Variants in PKP2 observed in about 807,000 individuals in gnomAD.
PKP2 encodes the protein plakophilin-2.
In PKP2, 73 loss-of-function variants were observed where a neutral mutation model predicts 83.4. The ratio of observed to expected loss-of-function variants is 0.88; its 90% CI spans 0.72 to 1.06. The LOEUF (loss-of-function observed/expected upper bound fraction) is 1.06. PKP2 is among the 50% of genes least tolerant of loss of function. PKP2 has a pLI of 0.00. For synonymous variants in PKP2, 409 were observed against 430.4 expected (o/e 0.95, Z 0.62); for missense variants, 966 against 1,065.4 (o/e 0.91, Z 1.30).
intron 5 of PKP2, among the ~76,000 whole-genome samples, chr12:32,842,200 A>G (rs961159495): frequency 6.6e-6 from 1 of 152,112 alleles, no homozygotes; most frequent in African/African-American, 2.4e-5. Flanking sequence ...ATTGCTTGCT[A>G]TTCCAGGGAC....
At chr12:32,870,913 G>A (rs927199154) in intron 3 of PKP2, among the ~76,000 whole-genome samples, 1 of 151,988 alleles carries the variant, frequency 6.6e-6, no homozygotes, top group East Asian at 1.9e-4. Flanking sequence ...GATTCACATA[G>A]AAGCTCTGTG....
At chr12:32,821,604 A>T in intron 8 of PKP2, 75 bp from the exon 9 acceptor site, 3 of 1,409,276 alleles carry the variant, frequency 2.1e-6, no homozygotes. Context: ...AAACCAGGAG[A>T]CCAGAAATAC....
rs539220595 is a variant in PKP2, at chr12:32,885,461, C to G, written c.224-6429G>C. Among the ~76,000 whole-genome samples the G allele has an allele frequency of 2.0e-5, 3 of 152,274 alleles. No homozygotes were observed. The East Asian group carries it at 5.8e-4, about 29-fold the overall frequency. On this transcript the variant is annotated intron_variant, in intron 1 of 12. Transcript: ENST00000340811. ...TTGAGGTCAGGAGTTTGAGACCAGC[C>G]TGGCCAACACGGGGAAAGCCTGTCT...
intron 10 of PKP2, among the ~76,000 whole-genome samples, chr12:32,797,333 C>T (rs1191495645): frequency 6.7e-6 from 1 of 148,382 alleles, no homozygotes; most frequent in Non-Finnish European, 1.5e-5. Flanking sequence ...GTAGTCCCTG[C>T]TACTCAGGAG....
chr12:32,835,896 C>G (rs1454678730), intron 6 of PKP2, among the ~76,000 whole-genome samples: 2 of 152,178 alleles, frequency 1.3e-5, no homozygotes, highest in Non-Finnish European at 2.9e-5. Flanking sequence ...CCTCCTGCCT[C>G]AGCCTCCCAA....
intron 8 of PKP2, chr12:32,821,946 A>G (rs970071145): frequency 4.1e-6 from 1 of 242,602 alleles, no homozygotes; most frequent in African/African-American, 2.3e-5. Flanking sequence ...GCTGGTTTCC[A>G]CAAATACCAC....
At chr12:32,860,412 C>T (rs1956787884) in intron 4 of PKP2, among the ~76,000 whole-genome samples, 1 of 152,158 alleles carries the variant, frequency 6.6e-6, no homozygotes. Flanking sequence ...GGCCTAGGAA[C>T]AATGACTATT....
chr12:32,849,046 T>C (rs1956674120), intron 5 of PKP2, among the ~76,000 whole-genome samples: 1 of 151,930 alleles, frequency 6.6e-6, no homozygotes, highest in Non-Finnish European at 1.5e-5. Context: ...ATGTATATTC[T>C]TTGAGCATTG....
chr12:32,836,777 G>A (rs1956548627), intron 6 of PKP2, among the ~76,000 whole-genome samples: 1 of 152,106 alleles, frequency 6.6e-6, no homozygotes, highest in Non-Finnish European at 1.5e-5. Flanking sequence ...TTACTAGAAC[G>A]AGTCAACATC....
intron 1 of PKP2, among the ~76,000 whole-genome samples, chr12:32,890,588 CT>C: frequency 6.6e-6 from 1 of 152,244 alleles, no homozygotes; most frequent in South Asian, 2.1e-4. Context: ...AGCTCTCAAG[CT>C]TTTGTCTTTA....
intron 5 of PKP2, among the ~76,000 whole-genome samples, chr12:32,849,631 G>A (rs374023511): frequency 2.0e-5 from 3 of 152,110 alleles, no homozygotes; most frequent in Non-Finnish European, 2.9e-5. Flanking sequence ...TTTATCATAC[G>A]ACTGTTCATT....
At chr12:32,803,660 G>A (rs1198951913) in intron 9 of PKP2, among the ~76,000 whole-genome samples, 1 of 152,114 alleles carries the variant, frequency 6.6e-6, no homozygotes, top group Non-Finnish European at 1.5e-5. Flanking sequence ...GAGACCAGAA[G>A]TGTTTTGGTT....
intron 9 of PKP2, among the ~76,000 whole-genome samples, chr12:32,813,224 C>G (rs1956292326): frequency 6.6e-6 from 1 of 152,076 alleles, no homozygotes; most frequent in East Asian, 1.9e-4. Flanking sequence ...AACAACCAAA[C>G]AAATGGACTA....
intron 1 of PKP2, among the ~76,000 whole-genome samples, chr12:32,888,386 G>C (rs1301363159): frequency 6.6e-6 from 1 of 152,022 alleles, no homozygotes; most frequent in African/African-American, 2.4e-5. Flanking sequence ...ACTTACTACA[G>C]GTTTTCTTTG....
intron 6 of PKP2, among the ~76,000 whole-genome samples, chr12:32,825,162 C>CTTT (rs10607965): frequency 2.2e-3 from 169 of 76,838 alleles, no homozygotes; most frequent in African/African-American, 4.5e-3. Flanking sequence ...AGATCAGTTT[C>CTTT]TTTTTTTTTT....
At chr12:32,801,193 C>CAAAT (rs1352400384) in intron 10 of PKP2, among the ~76,000 whole-genome samples, 1 of 152,196 alleles carries the variant, frequency 6.6e-6, no homozygotes, top group Non-Finnish European at 1.5e-5. Context: ...ACCTTCCCGA[C>CAAAT]ATTTAGGGGA....
At chr12:32,852,417 T>C (rs897911547) in intron 4 of PKP2, among the ~76,000 whole-genome samples, 8 of 152,088 alleles carry the variant, frequency 5.3e-5, no homozygotes, top group Admixed American at 3.3e-4. Context: ...TTTGACAGGA[T>C]TGGAGAAAAG....
Position 32,850,748 on chromosome 12 carries a change from A to G in PKP2, c.1378+18T>C, listed in dbSNP as rs374266697. 8.1e-6 allele frequency: 13 copies of G among 1,597,330 alleles called. No homozygotes were observed. The Middle Eastern group carries it at 6.7e-4, about 83-fold the overall frequency. Reference sequence around the variant, plus strand: ...GGGTGCAAATGTGTTAGGTTCTTCAATGTTCAGTAAGCACTACCTGTTATT... The same window carrying G: ...GGGTGCAAATGTGTTAGGTTCTTCAGTGTTCAGTAAGCACTACCTGTTATT... On this transcript the variant is annotated intron_variant, in intron 5 of 12. Coordinates refer to ENST00000340811, the MANE Select transcript of PKP2 (RefSeq NM_001005242.3).
intron 6 of PKP2, among the ~76,000 whole-genome samples, chr12:32,829,372 A>C (rs979191920): frequency 1.3e-5 from 2 of 150,680 alleles, no homozygotes; most frequent in East Asian, 3.9e-4. Context: ...TTCCCACCTC[A>C]GCCTCCTGAG....
Sources: allele counts gnomAD v4.1 joint callset (sites outside exome capture counted in the v4.1 genomes callset), GRCh38; gene constraint gnomAD v4.1.1; transcripts MANE v1.5; gene names NCBI Gene and HGNC (gene_info 2026-07-23, HGNC 2026-07-21).